The following EPB41L3 variants were observed in gnomAD, a reference collection of about 807,000 sequenced individuals.
The protein encoded by EPB41L3 is band 4.1-like protein 3.
EPB41L3 carries 57 observed loss-of-function variants against 127.1 expected under a neutral mutation model. The observed-to-expected ratio is 0.45, with a 90% CI of 0.36 to 0.56. EPB41L3 has a LOEUF of 0.56. Ranked by LOEUF, EPB41L3 falls within the 20% of genes least tolerant of loss-of-function variation. The pLI is 0.00. For synonymous variants in EPB41L3, 572 were observed against 549.5 expected (o/e 1.04, Z -0.57); for missense variants, 1,273 against 1,372.2 (o/e 0.93, Z 1.14).
intron 10 of EPB41L3, 101 bp from the exon 11 acceptor site, chr18:5,423,654 A>T: frequency 9.4e-7 from 1 of 1,061,004 alleles, no homozygotes; most frequent in Non-Finnish European, 1.3e-6. Flanking sequence ...TTGCATGCTA[A>T]ACATTTAACG....
rs201570112 is a variant in EPB41L3 at position 5,599,011 on chromosome 18, GA to G, written c.-306+13328del. On this transcript the variant is annotated intron_variant, in intron 3 of 21. Transcript: ENST00000545076. The stretch of plus-strand genomic sequence containing the variant: ...AAGAGTTCATGCCATGAGGATTTTG[GA>G]AGTTTGACATGCAGAATACGATGCA... Among the ~76,000 whole-genome samples, 318 of 152,302 alleles carry G rather than the reference GA, an allele frequency of 2.1e-3. 1 individual carries two copies. The highest frequency in any genetic ancestry group is 7.3e-3 in the African/African-American group (304 of 41,560).
chr18:5,606,283 C>G (rs1046040880), intron 3 of EPB41L3, among the ~76,000 whole-genome samples: 4 of 152,012 alleles, frequency 2.6e-5, no homozygotes, highest in African/African-American at 4.8e-5. Flanking sequence ...TGGGTTATAT[C>G]GATAACATCT....
chr18:5,435,329 C>A (rs1178529805), intron 6 of EPB41L3, among the ~76,000 whole-genome samples: 1 of 152,262 alleles, frequency 6.6e-6, no homozygotes, highest in South Asian at 2.1e-4. Flanking sequence ...CTGGGCCTTC[C>A]CATTCACTCT....
chr18:5,432,715 C>T (rs909401785), intron 8 of EPB41L3, among the ~76,000 whole-genome samples: 1 of 152,158 alleles, frequency 6.6e-6, no homozygotes, highest in African/African-American at 2.4e-5. Flanking sequence ...TGTATCCTCA[C>T]GACTGTAACC....
At chr18:5,549,017 C>T (rs2093926206), upstream of EPB41L3, among the ~76,000 whole-genome samples, 1 of 152,180 alleles carries the variant, frequency 6.6e-6, no homozygotes, top group Non-Finnish European at 1.5e-5. Context: ...TGTTTCACCC[C>T]AGAAGCTATC....
At chr18:5,450,905 G>C (rs908163715) in intron 3 of EPB41L3, among the ~76,000 whole-genome samples, 1 of 152,144 alleles carries the variant, frequency 6.6e-6, no homozygotes, top group Non-Finnish European at 1.5e-5. Context: ...TGAAGTGGGA[G>C]TTACATCTAG....
At chr18:5,554,410 G>C (rs2094005909) in intron 3 of EPB41L3, among the ~76,000 whole-genome samples, 1 of 152,174 alleles carries the variant, frequency 6.6e-6, no homozygotes, top group Admixed American at 6.5e-5. Context: ...GTATAAAATT[G>C]AAGAATTAGC....
intron 2 of EPB41L3, among the ~76,000 whole-genome samples, chr18:5,479,109 A>C (rs945770518): frequency 6.6e-6 from 1 of 152,252 alleles, no homozygotes; most frequent in African/African-American, 2.4e-5. Context: ...AGACTAGTCC[A>C]GGCTAGTTAT....
intron 3 of EPB41L3, among the ~76,000 whole-genome samples, chr18:5,576,310 A>C (rs1410726922): frequency 6.6e-6 from 1 of 152,216 alleles, no homozygotes; most frequent in Non-Finnish European, 1.5e-5. Flanking sequence ...TTAATGTCAG[A>C]AAAATAAATA....
intron 1 of EPB41L3, among the ~76,000 whole-genome samples, chr18:5,617,600 G>A (rs1402502374): frequency 6.6e-6 from 1 of 152,166 alleles, no homozygotes; most frequent in African/African-American, 2.4e-5. Context: ...TTACAGGCGT[G>A]AGCCACCGCG....
At chr18:5,442,718 T>C (rs2080958448) in intron 5 of EPB41L3, among the ~76,000 whole-genome samples, 1 of 152,126 alleles carries the variant, frequency 6.6e-6, no homozygotes, top group South Asian at 2.1e-4. Context: ...AATAAAAACG[T>C]AGTTATTTTA....
intron 3 of EPB41L3, among the ~76,000 whole-genome samples, chr18:5,570,400 A>G (rs781070475): frequency 2.0e-5 from 3 of 152,152 alleles, no homozygotes; most frequent in Non-Finnish European, 2.9e-5. Flanking sequence ...GTTATACTGA[A>G]GAGGAAAGGT....
rs747561777 is a variant in EPB41L3 at position 5,397,130 on chromosome 18, G to A, written c.2769C>T (p.Ser923=). 9.9e-6 allele frequency: 16 copies of A among 1,614,162 alleles called. No homozygotes were observed. Among genetic ancestry groups the A allele is most frequent in the Middle Eastern group, 1.6e-4 (1 of 6,062 alleles). The change falls in exon 18 of 23, where the codon TCC becomes TCT. Residue 923 remains serine, a synonymous_variant. Transcript: ENST00000341928. This position sits in a 1 kb window ranked among gnomAD's most constrained non-coding sequence, Gnocchi z 4.1. Reference sequence around the variant, plus strand: ...CACTCTGCTCCTCTTGTCGCTCACGGGAAGCAGCGGCTGTCTCTTCCTGTT... The same window carrying A: ...CACTCTGCTCCTCTTGTCGCTCACGAGAAGCAGCGGCTGTCTCTTCCTGTT... ...VLEQEETAAA[S]RERQEEQSAA...
chr18:5,411,551 G>A (rs765002878), intron 13 of EPB41L3, among the ~76,000 whole-genome samples: 3 of 151,886 alleles, frequency 2.0e-5, no homozygotes, highest in African/African-American at 2.4e-5. Context: ...GTTTTCTCTC[G>A]AGTAGAGTAG....
chr18:5,397,171 C>G lies in EPB41L3; in HGVS notation c.2728G>C (p.Ala910Pro). The G allele has an allele frequency of 6.2e-7, 1 of 1,614,206 alleles. No homozygotes were observed. Residue 910 changes from alanine (A) to proline (P), a missense_variant, in exon 18 of 23, where the codon GCT (alanine) becomes CCT (proline). Ala to Pro is a conservative substitution (Grantham distance 27). Transcript: ENST00000341928. The surrounding 1 kb of genome is among the most constrained non-coding windows in gnomAD (Gnocchi z 4.1). The part of the protein sequence containing the change: ...GAKEEGGEEV[A>P]KAVLEQEETA... ...TCTTCCTGTTCCAGGACAGCTTTAG[C>G]GACCTCCTCCCCTCCTTCCTCTTTA...
chr18:5,397,218 C>G lies in EPB41L3; in HGVS notation c.2681G>C (p.Gly894Ala). 6.2e-7 allele frequency: 1 copy of G among 1,614,198 alleles called. No individual in the cohort carries two copies. The highest frequency in any genetic ancestry group is 1.3e-5 in the African/African-American group (1 of 75,050). ...PAFTGIKGKE[G>A]SALTEGAKEE... ...TTTAGCCCCCTCCGTCAAGGCAGAG[C>G]CCTCTTTCCCTTTAATGCCTGTGAA... The change falls in exon 18 of 23, where the codon GGC becomes GCC. Residue 894 changes from glycine to alanine, a missense_variant. Gly to Ala is a moderately conservative substitution (Grantham distance 60, BLOSUM62 0). Coordinates refer to ENST00000341928, the MANE Select transcript of EPB41L3 (RefSeq NM_012307.5). This position sits in a 1 kb window ranked among gnomAD's most constrained non-coding sequence, Gnocchi z 4.1.
intron 3 of EPB41L3, among the ~76,000 whole-genome samples, chr18:5,468,382 G>C (rs74742309): frequency 0.025 from 3,830 of 152,250 alleles, 68 homozygotes; most frequent in South Asian, 0.088. Flanking sequence ...TGGAGTCCGC[G>C]GCCCCCTGAG....
chr18:5,407,062 T>G, intron 15 of EPB41L3, 94 bp from the exon 16 acceptor site: 2 of 1,232,860 alleles, frequency 1.6e-6, no homozygotes, highest in Admixed American at 2.0e-5. Context: ...GTCAATCTTA[T>G]TAGTAGTCAA....
chr18:5,459,454 T>C (rs1377298195), intron 3 of EPB41L3, among the ~76,000 whole-genome samples: 1 of 152,184 alleles, frequency 6.6e-6, no homozygotes, highest in Admixed American at 6.5e-5. Context: ...TGACTTTTGC[T>C]TTTTGTTTAA....
Sources: gnomAD v4.1 joint callset for allele counts (sites outside exome capture counted in the v4.1 genomes callset) on GRCh38, gnomAD v4.1.1 for gene constraint, Gnocchi (gnomAD v3.1) non-coding constraint, MANE v1.5 for transcripts, NCBI Gene and HGNC (gene_info 2026-07-23, HGNC 2026-07-21) for gene names.